Variants in ERG observed in about 807,000 individuals in gnomAD.
The protein encoded by ERG is ETS transcription factor ERG.
ERG carries 9 observed loss-of-function variants against 55.3 expected under a neutral mutation model. The observed-to-expected ratio is 0.16, with a 90% CI of 0.10 to 0.28. The LOEUF is 0.28. Among genes scored for constraint, ERG ranks in the 10% least tolerant of loss-of-function variants. The pLI is 1.00. For synonymous variants in ERG, 223 were observed against 237.3 expected, an observed-to-expected ratio of 0.94 and a Z score of 0.55; for missense variants, 434 against 631.6, an observed-to-expected ratio of 0.69 and a Z score of 3.35.
intron 1 of ERG, among the ~76,000 whole-genome samples, chr21:38,623,820 T>A (rs1352551512): frequency 2.6e-5 from 4 of 152,200 alleles, no homozygotes; most frequent in Non-Finnish European, 5.9e-5. Context: ...GGGAGCATCA[T>A]TCCATAAATA....
Position 38,400,613 on chromosome 21 carries a change from C to G in ERG, c.706G>C (p.Val236Leu), listed in dbSNP as rs548597892. 6.2e-7 allele frequency: 1 copy of G among 1,610,704 alleles called. No individual in the cohort carries two copies. The highest frequency in any genetic ancestry group is 1.3e-5 in the African/African-American group (1 of 74,940). The change falls in exon 6 of 10, where the codon GTA becomes CTA. Residue 236 changes from valine (V) to leucine (L), a missense_variant. Coordinates refer to ENST00000288319, the MANE Select transcript of ERG (RefSeq NM_182918.4). ...GAAFIFPNTSVYPEATQRITT... is the reference protein window; with the variant it reads ...GAAFIFPNTSLYPEATQRITT... Reference sequence around the variant, plus strand: ...ATTCTTTGCGTAGCTTCAGGATATACTGAAGTATTTGGGAAAATAAAAGCT... The same window carrying G: ...ATTCTTTGCGTAGCTTCAGGATATAGTGAAGTATTTGGGAAAATAAAAGCT...
At chr21:38,582,215 G>C (rs1468143886) in intron 1 of ERG, among the ~76,000 whole-genome samples, 1 of 152,164 alleles carries the variant, frequency 6.6e-6, no homozygotes, top group Non-Finnish European at 1.5e-5. Context: ...CCTAAAAGGG[G>C]GGTTGTGGGA....
At chr21:38,492,483 C>G (rs2059345082) in intron 1 of ERG, among the ~76,000 whole-genome samples, 1 of 152,222 alleles carries the variant, frequency 6.6e-6, no homozygotes, top group South Asian at 2.1e-4. Context: ...TTAACTTCCT[C>G]TTTATGATTT....
At chr21:38,450,885 C>T (rs1475481738) in intron 1 of ERG, 1 of 455,934 alleles carries the variant, frequency 2.2e-6, no homozygotes. Context: ...TTACAATTGT[C>T]CTATAAGGTC....
Position 38,380,283 on chromosome 21 carries a change from G to A in ERG, c.*3120C>T. 1 of 1,056,806 alleles carries A rather than the reference G, an allele frequency of 9.5e-7. No individual in the cohort carries two copies. Among genetic ancestry groups the A allele is most frequent in the Non-Finnish European group, 1.1e-6 (1 of 873,990 alleles). The allele number at this position is 1,056,806 out of a possible 1,614,324, so 65.5% of individuals were successfully genotyped here. A position where few individuals can be genotyped will look rare whatever the true frequency, so the allele number is the denominator to read the frequency against. On this transcript the variant is annotated 3_prime_UTR_variant, in exon 10 of 10. Transcript: ENST00000288319. ...TCAGAGGGCAGCTCCTCCGGCTCCT[G>A]CTCCTGGGTTGCAGGTGCCACATCT...
chr21:38,378,988 C>T (rs1270372602), downstream of ERG, among the ~76,000 whole-genome samples: 5 of 152,148 alleles, frequency 3.3e-5, no homozygotes, highest in Non-Finnish European at 5.9e-5. Context: ...CAGCACCTGA[C>T]CTAGTCATGG....
At chr21:38,542,638 G>A (rs967267375) in intron 2 of ERG, among the ~76,000 whole-genome samples, 1 of 152,124 alleles carries the variant, frequency 6.6e-6, no homozygotes, top group Non-Finnish European at 1.5e-5. Context: ...AAAATGAATT[G>A]TTGGTCTAAT....
intron 2 of ERG, among the ~76,000 whole-genome samples, chr21:38,565,413 T>C (rs773090878): frequency 6.6e-6 from 1 of 152,212 alleles, no homozygotes; most frequent in Non-Finnish European, 1.5e-5. Context: ...TCCCGCAGTG[T>C]GCCAAATAAA....
chr21:38,522,459 A>T (rs1362339059), intron 2 of ERG, among the ~76,000 whole-genome samples: 1 of 152,200 alleles, frequency 6.6e-6, no homozygotes, highest in East Asian at 1.9e-4. Flanking sequence ...CCATATATTA[A>T]CCATATTCTT....
At chr21:38,408,921 G>A (rs1298302822) in intron 3 of ERG, among the ~76,000 whole-genome samples, 1 of 152,176 alleles carries the variant, frequency 6.6e-6, no homozygotes, top group Non-Finnish European at 1.5e-5. Context: ...TCTCCAGGTA[G>A]CAGTGTGTTT....
intron 2 of ERG, among the ~76,000 whole-genome samples, chr21:38,560,524 G>GA (rs2146834604): frequency 6.6e-6 from 1 of 152,282 alleles, no homozygotes; most frequent in Admixed American, 6.5e-5. Flanking sequence ...TACCTGGTCT[G>GA]AGGCTCTCCC....
chr21:38,639,091 A>T (rs968861770), intron 1 of ERG, among the ~76,000 whole-genome samples: 1 of 152,140 alleles, frequency 6.6e-6, no homozygotes, highest in African/African-American at 2.4e-5. Context: ...CCCCCAGGAG[A>T]TGCTGACCAA....
chr21:38,447,196 A>T (rs1289936395), intron 1 of ERG, among the ~76,000 whole-genome samples: 1 of 152,034 alleles, frequency 6.6e-6, no homozygotes, highest in Non-Finnish European at 1.5e-5. Flanking sequence ...TTTGCCAGAC[A>T]CACGGCACTG....
intron 3 of ERG, among the ~76,000 whole-genome samples, chr21:38,412,275 A>G (rs1236669607): frequency 6.6e-6 from 1 of 152,182 alleles, no homozygotes; most frequent in Non-Finnish European, 1.5e-5. Flanking sequence ...CAAGTGTCTA[A>G]TCAGATTGAT....
intron 3 of ERG, among the ~76,000 whole-genome samples, chr21:38,419,280 C>T (rs541286018): frequency 6.6e-6 from 1 of 152,322 alleles, no homozygotes; most frequent in South Asian, 2.1e-4. Flanking sequence ...TGCCTGGTGG[C>T]GCTACTGGTT....
intron 1 of ERG, among the ~76,000 whole-genome samples, chr21:38,461,188 G>C (rs754398431): frequency 1.3e-5 from 2 of 152,132 alleles, no homozygotes; most frequent in Non-Finnish European, 2.9e-5. Context: ...AAGTAGCAGC[G>C]GGGTTGATTC....
At chr21:38,654,455 G>C (rs2060506858) in intron 1 of ERG, among the ~76,000 whole-genome samples, 1 of 152,238 alleles carries the variant, frequency 6.6e-6, no homozygotes, top group African/African-American at 2.4e-5. Context: ...CTGGGCAACA[G>C]AGCAAGGCTC....
At chr21:38,567,032 G>A (rs1423179591) in intron 2 of ERG, among the ~76,000 whole-genome samples, 1 of 151,924 alleles carries the variant, frequency 6.6e-6, no homozygotes, top group Non-Finnish European at 1.5e-5. Flanking sequence ...GCCCCCTACT[G>A]AATGTCAGCC....
chr21:38,491,270 C>T (rs931891737), intron 1 of ERG, among the ~76,000 whole-genome samples: 2 of 150,060 alleles, frequency 1.3e-5, no homozygotes, highest in Non-Finnish European at 1.5e-5. Context: ...AGATGAGAAA[C>T]TCACTGCTGG....
Sources: gnomAD v4.1 joint callset for allele counts (sites outside exome capture counted in the v4.1 genomes callset) on GRCh38, gnomAD v4.1.1 for gene constraint, MANE v1.5 for transcripts, NCBI Gene and HGNC (gene_info 2026-07-23, HGNC 2026-07-21) for gene names.